Variants in ABCG5 observed in about 807,000 individuals in gnomAD.
ABCG5 encodes ATP-binding cassette sub-family G member 5.
In ABCG5, 64 loss-of-function variants were observed where a neutral mutation model predicts 64.5. The observed-to-expected ratio is 0.99, with a 90% CI of 0.81 to 1.22. The LOEUF is 1.22. Among genes scored for constraint, ABCG5 ranks in the 50% most tolerant of loss-of-function variants. The probability of loss-of-function intolerance (pLI) is 0.00; values close to 1 mark genes in which losing one functional copy is unlikely to be tolerated. For synonymous variants in ABCG5, 385 were observed against 326.3 expected (o/e 1.18, Z -1.94); for missense variants, 908 against 829.5 (o/e 1.09, Z -1.16).
rs1667534965 is a variant in ABCG5, at chr2:43,825,401, A to AATC, written c.775-386_775-384dup. 9.2e-5 allele frequency among the ~76,000 whole-genome samples: 14 copies of AATC among 152,188 alleles called. No homozygotes were observed. In the South Asian group the frequency reaches 2.9e-3, roughly 32 times the overall value. On this transcript the variant is annotated intron_variant, in intron 6 of 12. Transcript: ENST00000405322. ...AGTTTGTTTTTTTGTTTTCATTTTA[A>AATC]ATCTCAGCTCCTCCTCTGTAAAAAG... is the stretch of plus-strand genomic sequence containing the variant.
intron 6 of ABCG5, among the ~76,000 whole-genome samples, 195 bp downstream of exon 6, chr2:43,826,187 G>C (rs1017999341): frequency 3.4e-5 from 5 of 148,448 alleles, no homozygotes; most frequent in African/African-American, 1.0e-4. Context: ...TTTTAGAGAT[G>C]GGGAGTCTCA....
At chr2:43,828,233 C>T (rs1667741029) in intron 4 of ABCG5, 118 bp from the exon 5 acceptor site, 1 of 1,364,506 alleles carries the variant, frequency 7.3e-7, no homozygotes, top group African/African-American at 1.4e-5. Context: ...GGGCCACTTC[C>T]AGACTCACCA....
chr2:43,831,246 C>T (rs763147770), intron 4 of ABCG5, among the ~76,000 whole-genome samples: 1 of 152,134 alleles, frequency 6.6e-6, no homozygotes, highest in African/African-American at 2.4e-5. Flanking sequence ...AATCATGGCT[C>T]GCTGCAGCCT....
At chr2:43,814,801 G>T (rs936357468) in intron 11 of ABCG5, among the ~76,000 whole-genome samples, 2 of 152,098 alleles carry the variant, frequency 1.3e-5, no homozygotes, top group Admixed American at 6.6e-5. Flanking sequence ...TAACATTTTG[G>T]TAATATATAT....
chr2:43,809,686 A>C (rs534351440), downstream of ABCG5: 6 of 1,582,422 alleles, frequency 3.8e-6, no homozygotes, highest in African/African-American at 4.1e-5. Flanking sequence ...TCTTAAAGTG[A>C]TACATATTTT....
At chr2:43,824,756 A>G (rs1667483571) in intron 7 of ABCG5, 133 bp downstream of exon 7, 5 of 1,468,970 alleles carry the variant, frequency 3.4e-6, no homozygotes, top group Non-Finnish European at 4.6e-6. Flanking sequence ...GGCCAAATTG[A>G]TTCCTTGAAG....
chr2:43,822,554 G>A (rs1227652109), intron 10 of ABCG5: 4 of 984,954 alleles, frequency 4.1e-6, no homozygotes, highest in Non-Finnish European at 4.8e-6. Flanking sequence ...GTGAATGTGG[G>A]ACAGGTCATT....
intron 10 of ABCG5, chr2:43,822,543 C>T (rs1012578156): frequency 8.8e-5 from 87 of 985,026 alleles, no homozygotes; most frequent in Non-Finnish European, 9.9e-5. Flanking sequence ...CAGGCCCTGC[C>T]GTGAATGTGG....
chr2:43,809,983 A>G (rs1666422944), downstream of ABCG5: 1 of 1,245,782 alleles, frequency 8.0e-7, no homozygotes, highest in African/African-American at 1.5e-5. Flanking sequence ...TTTTTAAAAT[A>G]AAAGAATCTT....
intron 2 of ABCG5, among the ~76,000 whole-genome samples, chr2:43,835,240 T>A (rs1482688890): frequency 2.0e-5 from 1 of 49,382 alleles, no homozygotes; most frequent in Non-Finnish European, 3.7e-5. Flanking sequence ...AAACACAACA[T>A]TGGCCTTTGG....
At position 43,829,883 on chromosome 2, in the gene ABCG5, C is replaced by T. The variant is rs148647745; in HGVS notation, c.502-1768G>A. ...GTTGACGGCATAGATGTAGCTTTGA[C>T]CCACCCAAAGAATGGACATATCTGA... On this transcript the variant is annotated intron_variant, in intron 4 of 12. Coordinates refer to ENST00000405322, the MANE Select transcript of ABCG5 (RefSeq NM_022436.3). Among the ~76,000 whole-genome samples, 86 of 152,246 alleles carry T rather than the reference C, an allele frequency of 5.6e-4. 1 individual carries two copies. The East Asian group carries it at 9.6e-3, about 17-fold the overall frequency.
intron 10 of ABCG5, 132 bp from the exon 11 acceptor site, chr2:43,820,232 T>C: frequency 9.7e-7 from 1 of 1,032,720 alleles, no homozygotes. Flanking sequence ...CACACTCCCC[T>C]TTGAAAGGCC....
intron 11 of ABCG5, 119 bp from the exon 12 acceptor site, chr2:43,814,708 TA>T: frequency 1.6e-6 from 1 of 624,850 alleles, no homozygotes; most frequent in Non-Finnish European, 2.8e-6. Context: ...CTCCTTATTA[TA>T]AAAATGATGC....
chr2:43,810,872 C>T (rs990347934), downstream of ABCG5, among the ~76,000 whole-genome samples: 8 of 152,162 alleles, frequency 5.3e-5, no homozygotes, highest in African/African-American at 1.7e-4. Context: ...AAGAAACAGC[C>T]TATTCCACAA....
At chr2:43,815,243 T>C (rs1228251602) in intron 11 of ABCG5, among the ~76,000 whole-genome samples, 1 of 152,260 alleles carries the variant, frequency 6.6e-6, no homozygotes, top group Non-Finnish European at 1.5e-5. Flanking sequence ...AACTGTGTGC[T>C]GACACTGTGG....
intron 6 of ABCG5, among the ~76,000 whole-genome samples, chr2:43,825,958 A>G (rs895120464): frequency 6.6e-6 from 1 of 151,124 alleles, no homozygotes; most frequent in African/African-American, 2.4e-5. Flanking sequence ...GTTGGCTCCA[A>G]TTCTCTAGCA....
downstream of ABCG5, among the ~76,000 whole-genome samples, chr2:43,811,635 G>A (rs1476746549): frequency 1.3e-5 from 2 of 149,600 alleles, no homozygotes; most frequent in Admixed American, 6.7e-5. Flanking sequence ...TTGCTCTGTC[G>A]CCAGGCTGGA....
At chr2:43,823,046 T>C (rs1291677530) in intron 9 of ABCG5, 111 bp from the exon 10 acceptor site, 7 of 1,452,292 alleles carry the variant, frequency 4.8e-6, no homozygotes, top group Non-Finnish European at 6.6e-6. Flanking sequence ...GAGGACCAGC[T>C]AGGGGGGTTC....
Position 43,828,065 on chromosome 2 carries a change from C to A in ABCG5, c.552G>T (p.Leu184=). The A allele has an allele frequency of 6.2e-7, 1 of 1,614,152 alleles. No homozygotes were observed. The highest frequency in any genetic ancestry group is 1.1e-5 in the South Asian group (1 of 91,084). ...TGCCCCCCAAGCTGTAGTTGCCAAT[C>A]AGTCGGTCTGCCACATGGCTCAGAC... ...ELSLSHVADR[L]IGNYSLGGIS... Residue 184 remains leucine, a synonymous_variant, in exon 5 of 13, where the codon CTG becomes CTT. Coordinates refer to ENST00000405322, the MANE Select transcript of ABCG5 (RefSeq NM_022436.3).
Sources: allele counts gnomAD v4.1 joint callset (sites outside exome capture counted in the v4.1 genomes callset), GRCh38; gene constraint gnomAD v4.1.1; transcripts MANE v1.5; gene names NCBI Gene and HGNC (gene_info 2026-07-23, HGNC 2026-07-21).